The following SYCP1 variants were observed in gnomAD, a reference collection of about 807,000 sequenced individuals.
SYCP1 encodes cancer/testis antigen 8.
Under a neutral mutation model 153.1 loss-of-function variants are expected in SYCP1, and 64 were observed. The ratio of observed to expected loss-of-function variants is 0.42; its 90% CI spans 0.34 to 0.51. The LOEUF is 0.51. Ranked by LOEUF, SYCP1 falls within the 20% of genes least tolerant of loss-of-function variation. The pLI, the probability that SYCP1 is intolerant of heterozygous loss-of-function variation, is 0.06. For synonymous variants in SYCP1, 384 were observed against 341.8 expected (o/e 1.12, Z -1.36); for missense variants, 997 against 1,049.0 (o/e 0.95, Z 0.68).
intron 6 of SYCP1, among the ~76,000 whole-genome samples, chr1:114,859,283 C>G (rs1184712690): frequency 6.6e-6 from 1 of 151,940 alleles, no homozygotes; most frequent in East Asian, 1.9e-4. Flanking sequence ...AGATGGGATG[C>G]CACCATATTT....
rs549381066 is a variant in SYCP1 at position 114,989,195 on chromosome 1, A to G, written c.2703+4327A>G. Reference sequence around the variant, plus strand: ...AAAACAAAACAAAAAACCAAAAAAAACCCCAAAAACAAAACAGGGAAGATG... The same window carrying G: ...AAAACAAAACAAAAAACCAAAAAAAGCCCCAAAAACAAAACAGGGAAGATG... On this transcript the variant is annotated intron_variant, in intron 30 of 31. Transcript: ENST00000369522. Among the ~76,000 whole-genome samples the G allele has an allele frequency of 2.3e-4, 35 of 151,896 alleles. No individual in the cohort carries two copies. In the South Asian group the frequency reaches 2.5e-3, roughly 11 times the overall value.
At chr1:114,971,771 A>C (rs1672502212) in intron 27 of SYCP1, among the ~76,000 whole-genome samples, 1 of 152,158 alleles carries the variant, frequency 6.6e-6, no homozygotes, top group Admixed American at 6.6e-5. Flanking sequence ...GATAAATCAC[A>C]CAGCCATGAT....
At chr1:114,880,088 G>A (rs928089773) in intron 12 of SYCP1, among the ~76,000 whole-genome samples, 4 of 151,654 alleles carry the variant, frequency 2.6e-5, no homozygotes, top group African/African-American at 9.7e-5. Flanking sequence ...TATTTCTATC[G>A]TTTCTTTTTT....
chr1:114,909,758 G>A (rs921368088), intron 16 of SYCP1, among the ~76,000 whole-genome samples: 15 of 152,104 alleles, frequency 9.9e-5, no homozygotes, highest in African/African-American at 3.6e-4. Context: ...GAAGTCATCT[G>A]AAAGCATGAA....
rs1666999181 is a variant in SYCP1, at chr1:114,895,481, T to C, written c.1292T>C (p.Val431Ala). Residue 431 changes from valine to alanine, a missense_variant, in exon 16 of 32, where the codon GTA becomes GCA. Coordinates refer to ENST00000369522, the MANE Select transcript of SYCP1 (RefSeq NM_003176.4). ...ACTAAGCTTACAAATAACAAAGAAG[T>C]AGAACTTGAAGAATTGAAAAAAGTC... ...EMTKLTNNKE[V>A]ELEELKKVLG... The C allele has an allele frequency of 2.0e-6, 3 of 1,529,670 alleles. 1 individual carries two copies. The South Asian group carries it at 3.6e-5, about 18-fold the overall frequency. The allele number at this position is 1,529,670 out of a possible 1,614,324, so 94.8% of individuals were successfully genotyped here.
chr1:114,886,755 A>G (rs1317569031), intron 14 of SYCP1, among the ~76,000 whole-genome samples: 1 of 152,006 alleles, frequency 6.6e-6, no homozygotes. Flanking sequence ...AAATTAACCA[A>G]TTAATCAGTA....
chr1:114,977,929 CTT>C (rs1672909952), intron 28 of SYCP1, among the ~76,000 whole-genome samples: 1 of 151,348 alleles, frequency 6.6e-6, no homozygotes, highest in African/African-American at 2.4e-5. Context: ...GTGTTTCTCT[CTT>C]AAGAATTTTT....
chr1:114,884,506 TC>T (rs1169127054), intron 12 of SYCP1, among the ~76,000 whole-genome samples: 1 of 152,214 alleles, frequency 6.6e-6, no homozygotes, highest in Non-Finnish European at 1.5e-5. Context: ...CTAGGTAAAC[TC>T]CCAGAACTTC....
chr1:114,955,877 A>G (rs538601374), intron 27 of SYCP1, among the ~76,000 whole-genome samples: 1 of 152,332 alleles, frequency 6.6e-6, no homozygotes, highest in African/African-American at 2.4e-5. Context: ...TGGCTTGGCT[A>G]TAGCCCTCTT....
chr1:114,994,580 C>T, intron 30 of SYCP1, 118 bp from the exon 31 acceptor site: 1 of 677,072 alleles, frequency 1.5e-6, no homozygotes, highest in Non-Finnish European at 2.2e-6. Context: ...CTTCTCCCTT[C>T]TACATCCTTC....
chr1:114,977,336 A>G (rs973260706), intron 27 of SYCP1, among the ~76,000 whole-genome samples: 4 of 151,834 alleles, frequency 2.6e-5, no homozygotes, highest in Non-Finnish European at 5.9e-5. Flanking sequence ...GTCCACAGAT[A>G]TACACTAGAG....
intron 26 of SYCP1, 61 bp downstream of exon 26, chr1:114,946,442 G>A: frequency 1.9e-6 from 2 of 1,026,044 alleles, no homozygotes; most frequent in Non-Finnish European, 1.4e-6. Flanking sequence ...GTGACTGGTG[G>A]TAAAGAATAA....
At chr1:114,857,629 T>C (rs1664096299) in intron 5 of SYCP1, 132 bp downstream of exon 5, 1 of 632,388 alleles carries the variant, frequency 1.6e-6, no homozygotes, top group South Asian at 5.3e-5. Flanking sequence ...CTTTAAAACC[T>C]TTTTTTCTGC....
intron 15 of SYCP1, among the ~76,000 whole-genome samples, chr1:114,892,721 C>A (rs1666804318): frequency 6.6e-6 from 1 of 152,048 alleles, no homozygotes; most frequent in Non-Finnish European, 1.5e-5. Flanking sequence ...GTGCTGCAGT[C>A]CTGCTGTTGG....
At chr1:114,944,734 C>T (rs569420603) in intron 24 of SYCP1, 138 bp from the exon 25 acceptor site, 2 of 692,416 alleles carry the variant, frequency 2.9e-6, no homozygotes, top group Non-Finnish European at 4.8e-6. Flanking sequence ...AAACCCCAAA[C>T]AGTGCATTTT....
intron 23 of SYCP1, among the ~76,000 whole-genome samples, chr1:114,930,981 G>A (rs188676413): frequency 1.1e-3 from 162 of 151,896 alleles, no homozygotes; most frequent in African/African-American, 2.9e-3. Flanking sequence ...AAAATTTGAA[G>A]CTATCAGTGT....
At chr1:114,979,135 CT>C (rs145320506) in intron 28 of SYCP1, among the ~76,000 whole-genome samples, 2,178 of 134,656 alleles carry the variant, frequency 0.016, 35 homozygotes, top group African/African-American at 0.045. Flanking sequence ...TTTAACTAGG[CT>C]TTTTTTTTTT....
chr1:114,873,480 T>C (rs938195300), intron 8 of SYCP1, among the ~76,000 whole-genome samples: 1 of 152,152 alleles, frequency 6.6e-6, no homozygotes, highest in Non-Finnish European at 1.5e-5. Flanking sequence ...GAGTTGGATA[T>C]TTTCCTTACT....
chr1:114,872,683 T>C (rs773643307), intron 8 of SYCP1, among the ~76,000 whole-genome samples: 1 of 152,194 alleles, frequency 6.6e-6, no homozygotes, highest in Non-Finnish European at 1.5e-5. Context: ...TGTCTCACAG[T>C]TCTTGGATAT....
Sources: allele counts gnomAD v4.1 joint callset (sites outside exome capture counted in the v4.1 genomes callset), GRCh38; gene constraint gnomAD v4.1.1; transcripts MANE v1.5; gene names NCBI Gene and HGNC (gene_info 2026-07-23, HGNC 2026-07-21).